ARHGEF38: variants seen among roughly 807,000 people sequenced by gnomAD.
ARHGEF38 encodes the protein Rho guanine nucleotide exchange factor (GEF) 38.
ARHGEF38 carries 79 observed loss-of-function variants against 79.9 expected under a neutral mutation model. The ratio of observed to expected loss-of-function variants is 0.99; its 90% CI spans 0.82 to 1.19. ARHGEF38 has a LOEUF of 1.19. ARHGEF38 is among the 50% of genes most tolerant of loss of function. The pLI is 0.00. For synonymous variants in ARHGEF38, 366 were observed against 328.3 expected, an observed-to-expected ratio of 1.11 and a Z score of -1.24; for missense variants, 962 against 907.2, an observed-to-expected ratio of 1.06 and a Z score of -0.78.
chr4:105,586,801 A>G (rs1306850658), intron 1 of ARHGEF38, among the ~76,000 whole-genome samples: 3 of 152,146 alleles, frequency 2.0e-5, no homozygotes, highest in Non-Finnish European at 4.4e-5. Flanking sequence ...GGCAGTGTCC[A>G]TACTGGTTTG....
intron 1 of ARHGEF38, among the ~76,000 whole-genome samples, chr4:105,576,206 G>C (rs951768790): frequency 6.6e-6 from 1 of 152,022 alleles, no homozygotes; most frequent in Non-Finnish European, 1.5e-5. Context: ...ATTTTGATGG[G>C]AATTGCATTG....
At chr4:105,676,528 T>A (rs1424889812) in intron 13 of ARHGEF38, among the ~76,000 whole-genome samples, 1 of 152,196 alleles carries the variant, frequency 6.6e-6, no homozygotes, top group Non-Finnish European at 1.5e-5. Flanking sequence ...AAATATTGCT[T>A]AAATAAATGA....
intron 2 of ARHGEF38, among the ~76,000 whole-genome samples, chr4:105,590,140 A>AG (rs1553939699): frequency 5.5e-5 from 8 of 144,980 alleles, no homozygotes; most frequent in African/African-American, 2.3e-4. Flanking sequence ...AGAAAGAAAA[A>AG]AAAGAAAGAA....
At chr4:105,612,942 C>T (rs1050562796) in intron 2 of ARHGEF38, among the ~76,000 whole-genome samples, 1 of 152,012 alleles carries the variant, frequency 6.6e-6, no homozygotes, top group Admixed American at 6.6e-5. Context: ...AGCAACCCAG[C>T]ACATCTACTT....
intron 3 of ARHGEF38, among the ~76,000 whole-genome samples, chr4:105,626,870 C>T (rs1728969903): frequency 6.6e-6 from 1 of 151,502 alleles, no homozygotes; most frequent in Non-Finnish European, 1.5e-5. Flanking sequence ...TCCTCACAGA[C>T]ATGGTCCCAT....
intron 7 of ARHGEF38, among the ~76,000 whole-genome samples, chr4:105,651,578 A>G (rs1481033714): frequency 6.6e-6 from 1 of 152,208 alleles, no homozygotes; most frequent in East Asian, 1.9e-4. Flanking sequence ...TAGGGTAAAG[A>G]CAACATATCT....
chr4:105,665,860 C>T lies in ARHGEF38; in HGVS notation c.1546-317C>T, dbSNP rs182870045. Among the ~76,000 whole-genome samples the T allele has an allele frequency of 2.2e-3, 340 of 152,292 alleles. 1 individual carries two copies. Among genetic ancestry groups the T allele is most frequent in the Non-Finnish European group, 3.6e-3 (242 of 68,022 alleles). ...TCCTTCTTTTAGCTGCTTTCCCTTGCCACCATCCTACCCCACCACAAGGGA... is the reference window on the plus strand; with the variant it reads ...TCCTTCTTTTAGCTGCTTTCCCTTGTCACCATCCTACCCCACCACAAGGGA... On this transcript the variant is annotated intron_variant, in intron 10 of 13. Transcript: ENST00000420470.
At chr4:105,631,117 G>T in intron 4 of ARHGEF38, 72 bp downstream of exon 4, 1 of 1,500,980 alleles carries the variant, frequency 6.7e-7, no homozygotes, top group Non-Finnish European at 8.8e-7. Context: ...AATGGATGTA[G>T]ATGAAAGGTC....
chr4:105,654,236 GTTGT>G, intron 8 of ARHGEF38, 67 bp downstream of exon 8: 4 of 990,040 alleles, frequency 4.0e-6, no homozygotes, highest in Non-Finnish European at 5.7e-6. Flanking sequence ...GATTTCCATG[GTTGT>G]TTTGAAGAGT....
chr4:105,610,314 A>G (rs1728237658), intron 2 of ARHGEF38, among the ~76,000 whole-genome samples: 1 of 152,120 alleles, frequency 6.6e-6, no homozygotes, highest in Non-Finnish European at 1.5e-5. Flanking sequence ...ATGCACATGT[A>G]TCCCATTTTT....
intron 1 of ARHGEF38, among the ~76,000 whole-genome samples, chr4:105,581,404 G>C (rs574461838): frequency 3.9e-5 from 6 of 152,122 alleles, no homozygotes; most frequent in African/African-American, 1.4e-4. Context: ...ATACCCTCTA[G>C]ACCTCCTAGT....
At chr4:105,582,223 C>T (rs887999276) in intron 1 of ARHGEF38, among the ~76,000 whole-genome samples, 2 of 148,840 alleles carry the variant, frequency 1.3e-5, no homozygotes, top group Non-Finnish European at 3.0e-5. Flanking sequence ...ACAGTTGAAG[C>T]CTGACTTGAG....
chr4:105,587,288 A>G (rs1035915370), intron 1 of ARHGEF38, among the ~76,000 whole-genome samples: 1 of 152,180 alleles, frequency 6.6e-6, no homozygotes, highest in Non-Finnish European at 1.5e-5. Flanking sequence ...AGCCTGGTTG[A>G]CAAAGTGAGA....
rs1038631260 is a variant in ARHGEF38, at chr4:105,648,525, C to G, written c.875-24C>G. ...TTTCTATGCTGCATGTGTTCAGCTACGTTATTACATTCTTCCTTTTCAGTT... is the reference window on the plus strand; with the variant it reads ...TTTCTATGCTGCATGTGTTCAGCTAGGTTATTACATTCTTCCTTTTCAGTT... On this transcript the variant is annotated intron_variant, in intron 6 of 13. Coordinates refer to ENST00000420470, the MANE Select transcript of ARHGEF38 (RefSeq NM_001242729.2). 1.4e-5 allele frequency: 21 copies of G among 1,480,296 alleles called. No individual in the cohort carries two copies. The African/African-American group carries it at 2.4e-4, about 17-fold the overall frequency. The allele number at this position is 1,480,296 out of a possible 1,614,324, so 91.7% of individuals were successfully genotyped here.
intron 3 of ARHGEF38, among the ~76,000 whole-genome samples, chr4:105,628,945 C>T (rs960600942): frequency 6.6e-6 from 1 of 152,130 alleles, no homozygotes; most frequent in African/African-American, 2.4e-5. Context: ...TAGTCAGTGG[C>T]GGGCACTTTT....
At position 105,679,486 on chromosome 4, in the gene ARHGEF38, C is replaced by G; in HGVS notation, c.*1549C>G. ...AGAGTCATGGTCACAAACCCCTTAT[C>G]AGAGTTGATTAAAGATCATGGTTCA... is the stretch of plus-strand genomic sequence containing the variant. On this transcript the variant is annotated 3_prime_UTR_variant, in exon 14 of 14. Coordinates refer to ENST00000420470, the MANE Select transcript of ARHGEF38 (RefSeq NM_001242729.2). The G allele has an allele frequency of 6.4e-7, 1 of 1,554,618 alleles. No homozygotes were observed. The highest frequency in any genetic ancestry group is 2.2e-5 in the East Asian group (1 of 44,566).
intron 2 of ARHGEF38, among the ~76,000 whole-genome samples, chr4:105,595,728 T>C (rs1328397887): frequency 1.3e-5 from 2 of 152,222 alleles, no homozygotes; most frequent in African/African-American, 2.4e-5. Flanking sequence ...TCCTACTGTA[T>C]ACTTTAAATC....
chr4:105,611,806 C>T (rs1297612441), intron 2 of ARHGEF38, among the ~76,000 whole-genome samples: 1 of 151,988 alleles, frequency 6.6e-6, no homozygotes, highest in African/African-American at 2.4e-5. Flanking sequence ...GAATTATAGA[C>T]AATTTCAGAA....
At chr4:105,625,134 T>C (rs978364918) in intron 3 of ARHGEF38, among the ~76,000 whole-genome samples, 2 of 152,228 alleles carry the variant, frequency 1.3e-5, no homozygotes, top group South Asian at 4.1e-4. Context: ...TAGTTGGTTT[T>C]TAGAATTGAA....
Sources: gnomAD v4.1 joint callset for allele counts (sites outside exome capture counted in the v4.1 genomes callset) on GRCh38, gnomAD v4.1.1 for gene constraint, MANE v1.5 for transcripts, NCBI Gene and HGNC (gene_info 2026-07-23, HGNC 2026-07-21) for gene names.